PPP1R42: variants seen among roughly 807,000 people sequenced by gnomAD.
The protein encoded by PPP1R42 is leucine rich repeat containing 67.
A neutral mutation model predicts 31.0 loss-of-function variants in PPP1R42; 34 were observed. The ratio of observed to expected loss-of-function variants is 1.10; its 90% CI spans 0.83 to 1.46. The LOEUF (loss-of-function observed/expected upper bound fraction) is 1.46, where lower values mean the gene tolerates loss of function less well. Among genes scored for constraint, PPP1R42 ranks in the 40% most tolerant of loss-of-function variants. The pLI is 0.00. For missense variants in PPP1R42, 268 were observed against 303.0 expected, an observed-to-expected ratio of 0.88 and a Z score of 0.86; for synonymous variants, 103 against 109.8, an observed-to-expected ratio of 0.94 and a Z score of 0.39.
At chr8:67,007,199 T>C (rs767915921) in intron 5 of PPP1R42, among the ~76,000 whole-genome samples, 30 of 152,026 alleles carry the variant, frequency 2.0e-4, no homozygotes, top group Non-Finnish European at 3.8e-4. Context: ...CTTTGTCTTA[T>C]TTATCATGTA....
At chr8:66,983,712 ATAC>A (rs1372955376) in intron 6 of PPP1R42, among the ~76,000 whole-genome samples, 2 of 152,314 alleles carry the variant, frequency 1.3e-5, no homozygotes, top group African/African-American at 4.8e-5. Flanking sequence ...ATGAGCCATA[ATAC>A]TGTGTTATAC....
At chr8:66,985,775 G>T (rs1366280157) in intron 6 of PPP1R42, 5 of 1,234,200 alleles carry the variant, frequency 4.1e-6, no homozygotes, top group Non-Finnish European at 6.0e-6. Context: ...TCCTGGATTT[G>T]CCATTTTGCT....
intron 7 of PPP1R42, among the ~76,000 whole-genome samples, chr8:66,969,765 T>A (rs1321647405): frequency 2.0e-5 from 3 of 152,198 alleles, no homozygotes. Context: ...AGGAAAACGA[T>A]TCCAAAGTAT....
chr8:67,001,367 ATCCGG>A (rs1815485462), intron 5 of PPP1R42, among the ~76,000 whole-genome samples: 1 of 149,962 alleles, frequency 6.7e-6, no homozygotes, highest in Non-Finnish European at 1.5e-5. Flanking sequence ...TTAAAAAAAA[ATCCGG>A]TCCTACTATC....
chr8:67,003,229 T>G (rs183508158), intron 5 of PPP1R42, among the ~76,000 whole-genome samples: 53 of 150,698 alleles, frequency 3.5e-4, no homozygotes, highest in African/African-American at 7.5e-4. Context: ...TTCCCCACAC[T>G]TTCCATTTCT....
At position 67,011,301 on chromosome 8, in the gene PPP1R42, G is replaced by A. The variant is rs538300723; in HGVS notation, c.436-470C>T. Among the ~76,000 whole-genome samples, 17 of 152,268 alleles carry A rather than the reference G, an allele frequency of 1.1e-4. 1 individual carries two copies. Among genetic ancestry groups the A allele is most frequent in the Middle Eastern group, 3.4e-3 (1 of 294 alleles). On this transcript the variant is annotated intron_variant, in intron 4 of 7. Coordinates refer to ENST00000685739, the MANE Select transcript of PPP1R42 (RefSeq NM_001364910.1). ...CAGCACTTTAGGAGGTGAAGCGGGC[G>A]GATCACTCGAGGTCAGGAGTTCAAG...
At chr8:67,009,392 A>G (rs1815780285) in intron 5 of PPP1R42, among the ~76,000 whole-genome samples, 1 of 151,824 alleles carries the variant, frequency 6.6e-6, no homozygotes, top group South Asian at 2.1e-4. Flanking sequence ...ACCTGGTGAA[A>G]TCCCATCTCT....
At chr8:67,000,450 T>C (rs1285707405) in intron 5 of PPP1R42, among the ~76,000 whole-genome samples, 2 of 152,206 alleles carry the variant, frequency 1.3e-5, no homozygotes, top group Non-Finnish European at 2.9e-5. Flanking sequence ...TCATTTCATA[T>C]GGATTATGTT....
At chr8:66,985,155 T>G in intron 6 of PPP1R42, 1 of 1,146,342 alleles carries the variant, frequency 8.7e-7, no homozygotes, top group Non-Finnish European at 1.3e-6. Context: ...TTTGAGCTGC[T>G]TGTGAAATCT....
rs143174825 is a variant in PPP1R42 at position 67,013,081 on chromosome 8, A to G, written c.312T>C (p.Asn104=). Residue 104 remains asparagine (N), a synonymous_variant, in exon 4 of 8, where the codon AAT becomes AAC. Transcript: ENST00000685739. ...CTAAACCTTCTATGACAGCAATGTA[A>G]TTGCCTCCCAGATACCTGCAAAACA... ...KKLEKLYLGG[N]YIAVIEGLEG... 4.4e-6 allele frequency: 7 copies of G among 1,598,286 alleles called. No homozygotes were observed. The highest frequency in any genetic ancestry group is 1.7e-4 in the Middle Eastern group (1 of 6,044).
chr8:66,981,947 A>G, intron 7 of PPP1R42, 102 bp downstream of exon 7: 1 of 1,208,286 alleles, frequency 8.3e-7, no homozygotes, highest in Non-Finnish European at 1.0e-6. Context: ...AACAACAACA[A>G]AAAACTAAAC....
chr8:67,002,934 C>A (rs1348129669), intron 5 of PPP1R42, among the ~76,000 whole-genome samples: 2 of 150,118 alleles, frequency 1.3e-5, no homozygotes, highest in Non-Finnish European at 3.0e-5. Context: ...CGGTTTGGAT[C>A]GCCTGAGGTC....
intron 7 of PPP1R42, among the ~76,000 whole-genome samples, chr8:66,969,129 A>G (rs1814468852): frequency 6.6e-6 from 1 of 152,298 alleles, no homozygotes; most frequent in South Asian, 2.1e-4. Context: ...GTGTACTCCT[A>G]GTGACTTGAG....
At chr8:66,971,516 C>A (rs1814538561) in intron 7 of PPP1R42, among the ~76,000 whole-genome samples, 2 of 152,128 alleles carry the variant, frequency 1.3e-5, no homozygotes, top group Admixed American at 1.3e-4. Context: ...CATTCCATAT[C>A]ATTTACCTGC....
At chr8:67,004,824 G>A (rs1815622520) in intron 5 of PPP1R42, among the ~76,000 whole-genome samples, 1 of 152,190 alleles carries the variant, frequency 6.6e-6, no homozygotes, top group South Asian at 2.1e-4. Context: ...AAGTGAATGA[G>A]AGCTTTCTGT....
At chr8:66,967,571 C>T (rs1814420176) in intron 7 of PPP1R42, among the ~76,000 whole-genome samples, 1 of 152,124 alleles carries the variant, frequency 6.6e-6, no homozygotes, top group Non-Finnish European at 1.5e-5. Context: ...TCAAATATAA[C>T]CTTAACAGTG....
intron 1 of PPP1R42, among the ~76,000 whole-genome samples, chr8:67,020,367 A>C (rs950504831): frequency 1.3e-5 from 2 of 151,932 alleles, no homozygotes; most frequent in South Asian, 4.1e-4. Flanking sequence ...TGCCCGGCTA[A>C]TTTTTGTATT....
chr8:67,024,283 T>C (rs1359415916), intron 1 of PPP1R42, among the ~76,000 whole-genome samples: 1 of 152,172 alleles, frequency 6.6e-6, no homozygotes, highest in African/African-American at 2.4e-5. Flanking sequence ...GGAGATGTGG[T>C]GAAATACATT....
At chr8:66,989,576 C>T (rs1815130702) in intron 5 of PPP1R42, among the ~76,000 whole-genome samples, 1 of 152,068 alleles carries the variant, frequency 6.6e-6, no homozygotes, top group African/African-American at 2.4e-5. Flanking sequence ...TAATGAATTA[C>T]TCAACAAAAG....
Sources: allele counts gnomAD v4.1 joint callset (sites outside exome capture counted in the v4.1 genomes callset), GRCh38; gene constraint gnomAD v4.1.1; transcripts MANE v1.5; gene names NCBI Gene and HGNC (gene_info 2026-07-23, HGNC 2026-07-21).